The following SDC4 variants were observed in gnomAD, a reference collection of about 807,000 sequenced individuals.
SDC4 encodes syndecan 4.
SDC4 carries 17 observed loss-of-function variants against 20.5 expected under a neutral mutation model. That is an observed-to-expected ratio of 0.83 (90% CI 0.57 to 1.25). The LOEUF (loss-of-function observed/expected upper bound fraction) is 1.25, where lower values mean the gene tolerates loss of function less well. SDC4 is among the 50% of genes most tolerant of loss of function. The pLI is 0.00. For missense variants in SDC4, 241 were observed against 252.3 expected, an observed-to-expected ratio of 0.96 and a Z score of 0.30; for synonymous variants, 107 against 105.3, an observed-to-expected ratio of 1.02 and a Z score of -0.10.
At chr20:45,332,892 A>G (rs1987799667) in intron 3 of SDC4, 131 bp downstream of exon 3, 5 of 836,370 alleles carry the variant, frequency 6.0e-6, no homozygotes, top group Non-Finnish European at 7.5e-6. Flanking sequence ...CCAGATTTTT[A>G]AAAAGCCTTC....
At chr20:45,342,390 C>T (rs567594508) in intron 1 of SDC4, among the ~76,000 whole-genome samples, 2 of 152,328 alleles carry the variant, frequency 1.3e-5, no homozygotes, top group African/African-American at 2.4e-5. Context: ...CACATCTGCC[C>T]CCACGCCCAG....
In SDC4 at chr20:45,325,446, C is replaced by G. The variant is rs1213023703; in HGVS notation, c.*1818G>C. The G allele has an allele frequency of 6.5e-6, 1 of 152,762 alleles. No homozygotes were observed. The highest frequency in any genetic ancestry group is 1.5e-5 in the Non-Finnish European group (1 of 68,170). The allele number at this position is 152,762 out of a possible 1,614,324, so 9.5% of individuals were successfully genotyped here. ...CCCAGCCAGCTGGGACCCTGGGTTG[C>G]AGTGGTGACGGGAGCTAATGGCCAC... On this transcript the variant is annotated 3_prime_UTR_variant, in exon 5 of 5. Coordinates refer to ENST00000372733, the MANE Select transcript of SDC4 (RefSeq NM_002999.4).
chr20:45,327,288 G>A lies in SDC4; in HGVS notation c.573C>T (p.Ala191=). ...TTCACGCGTAGAACTCATTGGTGGG[G>A]GCTTTCTTGTAGATGGGTTTCTTGC... is the stretch of plus-strand genomic sequence containing the variant. ...DLGKKPIYKK[A]PTNEFYA The change falls in exon 5 of 5, where the codon GCC becomes GCT. Residue 191 remains alanine (A), a synonymous_variant. Transcript: ENST00000372733. 1.9e-6 allele frequency: 3 copies of A among 1,614,180 alleles called. No homozygotes were observed. Among genetic ancestry groups the A allele is most frequent in the Non-Finnish European group, 2.5e-6 (3 of 1,180,026 alleles).
At position 45,327,352 on chromosome 20, in the gene SDC4, T is replaced by C. The variant is rs1328097425; in HGVS notation, c.509A>G (p.Tyr170Cys). The change falls in exon 5 of 5, where the codon TAC becomes TGC. Residue 170 changes from tyrosine to cysteine, a missense_variant. Physicochemically the swap from Tyr to Cys is radical, Grantham distance 194. Transcript: ENST00000372733. ...GCCTTCATCCTTCTTCTTCATACGGTACATGAGCAGTAGGATCAGGAAGAC... is the reference window on the plus strand; with the variant it reads ...GCCTTCATCCTTCTTCTTCATACGGCACATGAGCAGTAGGATCAGGAAGAC... Reference protein sequence around the residue: ...FAVFLILLLMYRMKKKDEGSY... With the variant: ...FAVFLILLLMCRMKKKDEGSY... The C allele has an allele frequency of 3.1e-6, 5 of 1,613,994 alleles. No homozygotes were observed. The highest frequency in any genetic ancestry group is 4.2e-6 in the Non-Finnish European group (5 of 1,180,020).
Position 45,344,683 on chromosome 20 carries a change from G to C in SDC4, c.60+3642C>G, listed in dbSNP as rs952491943. On this transcript the variant is annotated intron_variant, in intron 1 of 4. Transcript: ENST00000372733. Reference sequence around the variant, plus strand: ...GATGGCAGGAGCTGAATGTCCCCCCGCCACCCCAACTTCTCTTCTGAGACT... The same window carrying C: ...GATGGCAGGAGCTGAATGTCCCCCCCCCACCCCAACTTCTCTTCTGAGACT... Among the ~76,000 whole-genome samples, 7 of 152,240 alleles carry C rather than the reference G, an allele frequency of 4.6e-5. 1 individual carries two copies. The highest frequency in any genetic ancestry group is 1.3e-4 in the Admixed American group (2 of 15,292).
At chr20:45,341,498 A>G (rs1987952071) in intron 1 of SDC4, among the ~76,000 whole-genome samples, 1 of 152,218 alleles carries the variant, frequency 6.6e-6, no homozygotes, top group Non-Finnish European at 1.5e-5. Context: ...GGTGCAAATG[A>G]CAGTGACCAG....
At position 45,335,864 on chromosome 20, in the gene SDC4, G is replaced by C; in HGVS notation, c.117C>G (p.Ser39=). 1 of 1,613,980 alleles carries C rather than the reference G, an allele frequency of 6.2e-7. No individual in the cohort carries two copies. Among genetic ancestry groups the C allele is most frequent in the Non-Finnish European group, 8.5e-7 (1 of 1,179,978 alleles). ...PQDLLEGRYF[S]GALPDDEDVV... is the part of the protein sequence containing the mutation. ...CATCCTCATCGTCTGGTAGGGCTCC[G>C]GAGAAGTATCGGCCTTCTAGGAGGT... The change falls in exon 2 of 5, where the codon TCC becomes TCG. Residue 39 remains serine (S), a synonymous_variant. Transcript: ENST00000372733.
chr20:45,331,491 T>C lies in SDC4; in HGVS notation c.247-927A>G, dbSNP rs142376077. On this transcript the variant is annotated intron_variant, in intron 3 of 4. Transcript: ENST00000372733. ...GGCTGGGTAAAATAAGGCTGAGACC[T>C]GCTGGGCCGCATTCCCAGTAAGTTA... is the stretch of plus-strand genomic sequence containing the variant. 3.5e-3 allele frequency among the ~76,000 whole-genome samples: 530 copies of C among 152,248 alleles called. 2 individuals carry two copies. The highest frequency in any genetic ancestry group is 0.011 in the African/African-American group (467 of 41,534).
At chr20:45,331,452 A>G (rs1987776050) in intron 3 of SDC4, among the ~76,000 whole-genome samples, 1 of 152,204 alleles carries the variant, frequency 6.6e-6, no homozygotes. Context: ...CAGAGTGCCT[A>G]CATCTTGAAT....
chr20:45,333,537 C>T (rs763849449), intron 2 of SDC4, among the ~76,000 whole-genome samples: 20 of 152,182 alleles, frequency 1.3e-4, no homozygotes, highest in Non-Finnish European at 2.8e-4. Flanking sequence ...CGGGTGATGG[C>T]ACGCGCCTGT....
At position 45,335,979 on chromosome 20, in the gene SDC4, G is replaced by T. The variant is rs569864435; in HGVS notation, c.61-59C>A. On this transcript the variant is annotated intron_variant, in intron 1 of 4. Coordinates refer to ENST00000372733, the MANE Select transcript of SDC4 (RefSeq NM_002999.4). ...TCCCCAGTGCTCCATGACAGCTGAT[G>T]CCCAAAAGCTAGTGAAGTGGGCATT... The T allele has an allele frequency of 1.9e-6, 3 of 1,574,020 alleles. No individual in the cohort carries two copies. The Admixed American group carries it at 5.1e-5, about 27-fold the overall frequency.
At chr20:45,336,766 G>A (rs1205378097) in intron 1 of SDC4, among the ~76,000 whole-genome samples, 1 of 152,090 alleles carries the variant, frequency 6.6e-6, no homozygotes, top group Admixed American at 6.5e-5. Context: ...TCCCAGCTGA[G>A]TCAGTCTGGG....
At chr20:45,340,511 T>C (rs1368114060) in intron 1 of SDC4, among the ~76,000 whole-genome samples, 1 of 152,208 alleles carries the variant, frequency 6.6e-6, no homozygotes, top group Non-Finnish European at 1.5e-5. Flanking sequence ...CACAACACAC[T>C]GGCTGGGCCA....
At chr20:45,339,612 C>G (rs571358404) in intron 1 of SDC4, among the ~76,000 whole-genome samples, 1 of 152,198 alleles carries the variant, frequency 6.6e-6, no homozygotes, top group South Asian at 2.1e-4. Flanking sequence ...TGGTTGTGCA[C>G]GCCTGTGGTC....
intron 1 of SDC4, among the ~76,000 whole-genome samples, chr20:45,343,851 C>T (rs1453572703): frequency 2.6e-5 from 4 of 152,196 alleles, no homozygotes; most frequent in African/African-American, 7.2e-5. Context: ...ACAGCCCTGT[C>T]GTCTCCTTTA....
chr20:45,332,259 G>A (rs758964109), intron 3 of SDC4, among the ~76,000 whole-genome samples: 7 of 150,956 alleles, frequency 4.6e-5, no homozygotes, highest in African/African-American at 9.8e-5. Flanking sequence ...AGGTTCAAGC[G>A]ATCCTCCTAC....
At chr20:45,332,113 T>C (rs894284155) in intron 3 of SDC4, among the ~76,000 whole-genome samples, 2 of 152,036 alleles carry the variant, frequency 1.3e-5, no homozygotes, top group Admixed American at 1.3e-4. Context: ...GAAATACTCA[T>C]GACCAGTCTA....
At chr20:45,343,014 C>T (rs1987977288) in intron 1 of SDC4, among the ~76,000 whole-genome samples, 1 of 152,142 alleles carries the variant, frequency 6.6e-6, no homozygotes, top group African/African-American at 2.4e-5. Flanking sequence ...AACAAAGTGA[C>T]GTATTAACTG....
At chr20:45,337,150 C>T (rs1253396441) in intron 1 of SDC4, among the ~76,000 whole-genome samples, 1 of 152,148 alleles carries the variant, frequency 6.6e-6, no homozygotes, top group African/African-American at 2.4e-5. Flanking sequence ...AACAATGTAC[C>T]CTCAAGAGCA....
Sources: gnomAD v4.1 joint callset for allele counts (sites outside exome capture counted in the v4.1 genomes callset) on GRCh38, gnomAD v4.1.1 for gene constraint, MANE v1.5 for transcripts, NCBI Gene and HGNC (gene_info 2026-07-23, HGNC 2026-07-21) for gene names.